Variants in MTMR10 observed in about 807,000 individuals in gnomAD.
MTMR10 encodes the protein myotubularin related protein 10.
Under a neutral mutation model 88.1 loss-of-function variants are expected in MTMR10, and 56 were observed. The ratio of observed to expected loss-of-function variants is 0.64; its 90% CI spans 0.51 to 0.79. MTMR10 has a LOEUF of 0.79. Ranked by LOEUF, MTMR10 falls within the 30% of genes least tolerant of loss-of-function variation. The pLI is 0.00. For synonymous variants in MTMR10, 380 were observed against 340.9 expected (o/e 1.11, Z -1.26); for missense variants, 883 against 924.7 (o/e 0.95, Z 0.58).
In MTMR10 at chr15:30,943,001, C is replaced by A; in HGVS notation, c.1620G>T (p.Trp540Cys). 6.4e-7 allele frequency: 1 copy of A among 1,552,554 alleles called. No homozygotes were observed. Residue 540 changes from tryptophan to cysteine, a missense_variant, in exon 15 of 16, where the codon TGG (tryptophan) becomes TGT (cysteine). Physicochemically the swap from Trp to Cys is radical, Grantham distance 215. Around this residue, in one of 3 missense-constraint regions of MTMR10, gnomAD observed 343 missense variants for 323.2 expected, o/e 1.06. Coordinates refer to ENST00000435680, the MANE Select transcript of MTMR10 (RefSeq NM_017762.3). ...GATCCTTTGCTGTAAACTGGAGAGA[C>A]CAGTCCCAAACAGAGGGGAATTTTA... ...KGLKFPSVWD[W>C]SLQFTAKDRT...
the MTMR10 span, chr15:30,925,996 C>A: frequency 2.6e-6 from 4 of 1,567,642 alleles, no homozygotes; most frequent in Admixed American, 3.4e-5. Context: ...AGCAGCAGCA[C>A]TGGATGGGCT....
At position 30,939,509 on chromosome 15, in the gene MTMR10, CATGAT is replaced by C. The variant is rs2062966381; in HGVS notation, c.*1956_*1960del. On this transcript the variant is annotated 3_prime_UTR_variant, in exon 16 of 16. Transcript: ENST00000435680. ...GCACAATAAACTGTAGCACAATAATCATGATATAACAACTGTCCAGCAAAAATAAA... is the reference window on the plus strand; with the variant it reads ...GCACAATAAACTGTAGCACAATAATCATAACAACTGTCCAGCAAAAATAAA... 2 of 981,646 alleles carry C rather than the reference CATGAT, an allele frequency of 2.0e-6. No homozygotes were observed. The highest frequency in any genetic ancestry group is 4.7e-5 in the South Asian group (1 of 21,230). The allele number at this position is 981,646 out of a possible 1,614,324, so 60.8% of individuals were successfully genotyped here. A position where few individuals can be genotyped will look rare whatever the true frequency, so the allele number is the denominator to read the frequency against.
chr15:30,963,952 T>C (rs1043216744), intron 6 of MTMR10, among the ~76,000 whole-genome samples: 4 of 151,982 alleles, frequency 2.6e-5, no homozygotes, highest in African/African-American at 9.7e-5. Flanking sequence ...AAAAAGGCTA[T>C]ATGAATGACT....
intron 12 of MTMR10, chr15:30,949,930 A>C (rs1357789224): frequency 1.3e-5 from 2 of 152,246 alleles, no homozygotes; most frequent in East Asian, 3.8e-4. Flanking sequence ...AGAGACAGAA[A>C]GATTAGTGGC....
chr15:30,972,311 CCT>C lies in MTMR10; in HGVS notation c.474+2001_474+2002del, dbSNP rs1296046718. On this transcript the variant is annotated intron_variant, in intron 5 of 15. Coordinates refer to ENST00000435680, the MANE Select transcript of MTMR10 (RefSeq NM_017762.3). ...CTTTGGTAGCCATATACAACTTAAC[CCT>C]GTTTGAAATGCGTAAATCCCAAAAA... 1.3e-4 allele frequency among the ~76,000 whole-genome samples: 20 copies of C among 152,160 alleles called. No individual in the cohort carries two copies. In the East Asian group the frequency reaches 3.3e-3, roughly 25 times the overall value.
intron 12 of MTMR10, chr15:30,950,250 C>G (rs1180697264): frequency 7.2e-6 from 1 of 139,346 alleles, no homozygotes; most frequent in Non-Finnish European, 1.7e-5. Context: ...GTGAGTTAAA[C>G]ACACACTCTG....
In MTMR10 at chr15:30,945,133, A is replaced by G. The variant is rs959702363; in HGVS notation, c.1548+1997T>C. Among the ~76,000 whole-genome samples, 3 of 151,982 alleles carry G rather than the reference A, an allele frequency of 2.0e-5. 1 individual carries two copies. In the East Asian group the frequency reaches 5.8e-4, roughly 29 times the overall value. ...AGCACCTAAGGTGGCCTCAGAATGG[A>G]AAAAAAAGGAAGAAATGCTTTGGGC... On this transcript the variant is annotated intron_variant, in intron 14 of 15. Coordinates refer to ENST00000435680, the MANE Select transcript of MTMR10 (RefSeq NM_017762.3).
chr15:30,928,624 G>A, the MTMR10 span: 1 of 1,613,648 alleles, frequency 6.2e-7, no homozygotes, highest in Non-Finnish European at 8.5e-7. Context: ...CTTCATGGAT[G>A]GGATTCCGGA....
the MTMR10 span, chr15:30,929,142 C>T: frequency 2.0e-6 from 3 of 1,473,488 alleles, no homozygotes; most frequent in Admixed American, 1.9e-5. Flanking sequence ...ACTGACTAGT[C>T]CTCTGGTGAA....
At chr15:30,938,262 A>C (rs2062923191), downstream of MTMR10, among the ~76,000 whole-genome samples, 1 of 152,256 alleles carries the variant, frequency 6.6e-6, no homozygotes, top group Non-Finnish European at 1.5e-5. Flanking sequence ...GAGATTCTTG[A>C]ATTAAGTTTT....
chr15:30,975,133 G>A, intron 3 of MTMR10, 130 bp from the exon 4 acceptor site: 1 of 629,348 alleles, frequency 1.6e-6, no homozygotes, highest in Non-Finnish European at 2.7e-6. Context: ...TGTCTAGGTA[G>A]CTAGGGCCAT....
At chr15:30,971,453 T>C (rs1341561416) in intron 5 of MTMR10, among the ~76,000 whole-genome samples, 4 of 152,102 alleles carry the variant, frequency 2.6e-5, no homozygotes, top group Non-Finnish European at 5.9e-5. Context: ...ACAAAAGTGG[T>C]TTATTTCTGT....
the MTMR10 span, chr15:30,930,485 C>G: frequency 6.5e-7 from 1 of 1,543,798 alleles, no homozygotes; most frequent in African/African-American, 1.4e-5. Context: ...ATCCCTGGAG[C>G]CTATTTCCAT....
chr15:30,925,847 T>C, the MTMR10 span: 1 of 1,614,136 alleles, frequency 6.2e-7, no homozygotes, highest in African/African-American at 1.3e-5. Flanking sequence ...GTGTTTGTGA[T>C]GGAGGCCGGG....
At chr15:30,973,498 T>G (rs188389096) in intron 5 of MTMR10, among the ~76,000 whole-genome samples, 1 of 152,264 alleles carries the variant, frequency 6.6e-6, no homozygotes, top group Admixed American at 6.5e-5. Context: ...CTGCAGTCAG[T>G]TGACTAACCA....
chr15:30,970,545 A>T (rs141520763), intron 5 of MTMR10, among the ~76,000 whole-genome samples: 1,991 of 152,266 alleles, frequency 0.013, 23 homozygotes, highest in Non-Finnish European at 0.022. Context: ...ATTCACTGAC[A>T]AAAGTAGTTA....
chr15:30,941,644 G>A lies in MTMR10; in HGVS notation c.2160C>T (p.Ala720=). ...AGGTGTCGGTGTGGTGAGGGCCGCTGGCGTTGAAGTACATCCTGCTCTGGC... is the reference window on the plus strand; with the variant it reads ...AGGTGTCGGTGTGGTGAGGGCCGCTAGCGTTGAAGTACATCCTGCTCTGGC... ...ELGQSRMYFN[A]SGPHHTDTSG... Residue 720 remains alanine, a synonymous_variant, in exon 16 of 16, where the codon GCC becomes GCT. Coordinates refer to ENST00000435680, the MANE Select transcript of MTMR10 (RefSeq NM_017762.3). The A allele has an allele frequency of 6.2e-7, 1 of 1,610,774 alleles. No individual in the cohort carries two copies. Among genetic ancestry groups the A allele is most frequent in the Non-Finnish European group, 8.5e-7 (1 of 1,178,500 alleles).
chr15:30,967,185 A>C (rs2063483007), intron 6 of MTMR10, among the ~76,000 whole-genome samples: 1 of 152,322 alleles, frequency 6.6e-6, no homozygotes, highest in Non-Finnish European at 1.5e-5. Context: ...TCGCTCAGTT[A>C]ACTGACTTGC....
chr15:30,961,217 C>A, intron 6 of MTMR10, 144 bp from the exon 7 acceptor site: 1 of 1,176,900 alleles, frequency 8.5e-7, no homozygotes, highest in Non-Finnish European at 1.1e-6. Context: ...AACTGTCTTG[C>A]CCTTTCCATT....
Sources: gnomAD v4.1 joint callset for allele counts (sites outside exome capture counted in the v4.1 genomes callset) on GRCh38, gnomAD v4.1.1 for gene constraint, gnomAD v4.1.1 regional missense constraint, MANE v1.5 for transcripts, NCBI Gene and HGNC (gene_info 2026-07-23, HGNC 2026-07-21) for gene names.